MYO16: variants seen among roughly 807,000 people sequenced by gnomAD.
MYO16 encodes the protein myosin XVI.
Under a neutral mutation model 205.3 loss-of-function variants are expected in MYO16, and 94 were observed. The observed-to-expected ratio is 0.46, with a 90% CI of 0.39 to 0.54. The LOEUF (loss-of-function observed/expected upper bound fraction) is 0.54. MYO16 is among the 20% of genes least tolerant of loss of function. MYO16 has a pLI of 0.00. For synonymous variants in MYO16, 988 were observed against 954.0 expected (o/e 1.04, Z -0.66); for missense variants, 2,315 against 2,387.5 (o/e 0.97, Z 0.63).
chr13:109,033,373 G>A (rs9583333), intron 23 of MYO16, among the ~76,000 whole-genome samples: 10,486 of 152,184 alleles, frequency 0.069, 543 homozygotes, highest in African/African-American at 0.14. Flanking sequence ...GCCTCGATCT[G>A]TCAGACTTCG....
At chr13:108,693,378 A>T (rs1882973426) in intron 2 of MYO16, among the ~76,000 whole-genome samples, 1 of 152,184 alleles carries the variant, frequency 6.6e-6, no homozygotes, top group South Asian at 2.1e-4. Context: ...CCCATTAATT[A>T]GTCATTTTTC....
intron 12 of MYO16, among the ~76,000 whole-genome samples, chr13:108,881,571 C>A (rs1297042715): frequency 6.6e-6 from 1 of 152,070 alleles, no homozygotes; most frequent in Admixed American, 6.6e-5. Flanking sequence ...AAATGGCTAA[C>A]CAGAATAAAA....
chr13:108,828,199 G>A (rs373450335), intron 9 of MYO16, among the ~76,000 whole-genome samples: 4 of 152,100 alleles, frequency 2.6e-5, no homozygotes, highest in African/African-American at 4.8e-5. Context: ...CATGCCAGGC[G>A]TGTGCTAACT....
intron 3 of MYO16, among the ~76,000 whole-genome samples, chr13:108,714,138 G>A (rs1255245799): frequency 1.3e-5 from 2 of 152,080 alleles, no homozygotes; most frequent in Non-Finnish European, 2.9e-5. Context: ...CTCACTGCAA[G>A]CTCCGTCTCC....
chr13:108,985,095 CAG>C (rs1191683083), intron 20 of MYO16, among the ~76,000 whole-genome samples: 1 of 152,148 alleles, frequency 6.6e-6, no homozygotes, highest in East Asian at 1.9e-4. Context: ...TACAATGATA[CAG>C]ACTCATTTTT....
At chr13:108,611,008 T>C (rs1879154278) in intron 1 of MYO16, among the ~76,000 whole-genome samples, 2 of 152,176 alleles carry the variant, frequency 1.3e-5, no homozygotes, top group Non-Finnish European at 2.9e-5. Flanking sequence ...GCCATCATGA[T>C]TTGAATGATG....
At chr13:109,061,218 C>A (rs34549396) in intron 27 of MYO16, among the ~76,000 whole-genome samples, 6,831 of 152,216 alleles carry the variant, frequency 0.045, 236 homozygotes, top group Middle Eastern at 0.071. Flanking sequence ...ACCACTCAGA[C>A]CTTCTCCATA....
chr13:108,839,256 A>T (rs1594334204), intron 9 of MYO16, among the ~76,000 whole-genome samples: 1 of 152,050 alleles, frequency 6.6e-6, no homozygotes, highest in East Asian at 1.9e-4. Flanking sequence ...CCATGAATGG[A>T]TTAACTTATT....
At chr13:109,198,914 G>T (rs1010119178) in intron 34 of MYO16, among the ~76,000 whole-genome samples, 12 of 151,986 alleles carry the variant, frequency 7.9e-5, no homozygotes, top group African/African-American at 2.9e-4. Flanking sequence ...CAGAGGCCAG[G>T]TTTTTCAGCC....
chr13:109,006,956 A>G (rs1034471203), intron 21 of MYO16, among the ~76,000 whole-genome samples: 1 of 152,158 alleles, frequency 6.6e-6, no homozygotes, highest in East Asian at 1.9e-4. Context: ...TGAGCTAGAA[A>G]GCCAAGAGAG....
chr13:108,870,020 A>G (rs1244803674), intron 12 of MYO16, among the ~76,000 whole-genome samples: 1 of 151,544 alleles, frequency 6.6e-6, no homozygotes, highest in Non-Finnish European at 1.5e-5. Context: ...AGAAATCTTT[A>G]GTAATTAAAC....
chr13:108,715,065 A>G (rs995188004), intron 3 of MYO16, among the ~76,000 whole-genome samples: 3 of 152,158 alleles, frequency 2.0e-5, no homozygotes, highest in Non-Finnish European at 2.9e-5. Context: ...AGTAAAAGCC[A>G]AAGTCCTGCT....
chr13:109,014,060 G>C (rs1885715500), intron 22 of MYO16, among the ~76,000 whole-genome samples: 1 of 152,164 alleles, frequency 6.6e-6, no homozygotes, highest in African/African-American at 2.4e-5. Flanking sequence ...GTCCTGAATG[G>C]TATTGCCTAA....
At chr13:109,079,964 C>T (rs1888233102) in intron 27 of MYO16, among the ~76,000 whole-genome samples, 2 of 151,136 alleles carry the variant, frequency 1.3e-5, no homozygotes, top group Admixed American at 6.6e-5. Context: ...CAACCTCCAC[C>T]TCCCGGGTTC....
At chr13:109,046,772 G>C in intron 23 of MYO16, 144 bp from the exon 24 acceptor site, 1 of 633,330 alleles carries the variant, frequency 1.6e-6, no homozygotes, top group Non-Finnish European at 2.8e-6. Flanking sequence ...CTTGGAACTT[G>C]CATGTAACGT....
chr13:109,196,371 T>A (rs1232760991), intron 34 of MYO16, among the ~76,000 whole-genome samples: 2 of 152,172 alleles, frequency 1.3e-5, no homozygotes, highest in Non-Finnish European at 2.9e-5. Flanking sequence ...TATGAAGGAA[T>A]CTTCTTGTTG....
chr13:108,996,492 T>C (rs1885007110), intron 21 of MYO16, among the ~76,000 whole-genome samples: 1 of 152,166 alleles, frequency 6.6e-6, no homozygotes, highest in African/African-American at 2.4e-5. Context: ...TATTGGATTA[T>C]GTGTGATAAA....
At chr13:109,154,342 C>T (rs1227501630) in intron 32 of MYO16, among the ~76,000 whole-genome samples, 2 of 152,158 alleles carry the variant, frequency 1.3e-5, no homozygotes, top group African/African-American at 4.8e-5. Flanking sequence ...GGGCCTGCCA[C>T]GTTTCTCCTT....
chr13:109,040,153 A>G (rs990242670), intron 23 of MYO16, among the ~76,000 whole-genome samples: 2 of 152,124 alleles, frequency 1.3e-5, no homozygotes, highest in African/African-American at 4.8e-5. Flanking sequence ...GAATAGCACC[A>G]TAACTTTTAA....
Sources: gnomAD v4.1 joint callset for allele counts (sites outside exome capture counted in the v4.1 genomes callset) on GRCh38, gnomAD v4.1.1 for gene constraint, MANE v1.5 for transcripts, NCBI Gene and HGNC (gene_info 2026-07-23, HGNC 2026-07-21) for gene names.